CCDC88C: variants seen among roughly 807,000 people sequenced by gnomAD.
CCDC88C encodes the protein protein Daple.
In CCDC88C, 131 loss-of-function variants were observed where a neutral mutation model predicts 198.8. The ratio of observed to expected loss-of-function variants is 0.66; its 90% CI spans 0.57 to 0.76. CCDC88C has a LOEUF of 0.76. Ranked by LOEUF, CCDC88C falls within the 30% of genes least tolerant of loss-of-function variation. The probability of loss-of-function intolerance (pLI) is 0.00; values close to 1 mark genes in which losing one functional copy is unlikely to be tolerated. For synonymous variants in CCDC88C, 1,166 were observed against 1,114.7 expected (o/e 1.05, Z -0.92); for missense variants, 2,553 against 2,631.6 (o/e 0.97, Z 0.65).
chr14:91,376,030 C>T (rs971100913), intron 3 of CCDC88C, among the ~76,000 whole-genome samples: 10 of 152,284 alleles, frequency 6.6e-5, no homozygotes, highest in African/African-American at 1.9e-4. Flanking sequence ...GAGGCTTGAA[C>T]CCAGTCAGCC....
At chr14:91,316,585 T>C (rs1429396869) in intron 13 of CCDC88C, among the ~76,000 whole-genome samples, 1 of 151,990 alleles carries the variant, frequency 6.6e-6, no homozygotes, top group African/African-American at 2.4e-5. Flanking sequence ...ACCACGCCCA[T>C]CTAATTTTTG....
At chr14:91,405,935 C>G (rs1235509911) in intron 3 of CCDC88C, among the ~76,000 whole-genome samples, 3 of 152,208 alleles carry the variant, frequency 2.0e-5, no homozygotes, top group Non-Finnish European at 4.4e-5. Context: ...ACTGACTGAC[C>G]ATTTGCTCTG....
In CCDC88C at chr14:91,339,639, T is replaced by C. The variant is rs955593256; in HGVS notation, c.625-177A>G. ...TTTTGAAAAGAGGTGAAATATTTAG[T>C]GAAACAAAAGGGAGTGTACGAAGGA... On this transcript the variant is annotated intron_variant, in intron 7 of 29. Coordinates refer to ENST00000389857, the MANE Select transcript of CCDC88C (RefSeq NM_001080414.4). This position sits in a 1 kb window ranked among gnomAD's most constrained non-coding sequence, Gnocchi z 5.8. Among the ~76,000 whole-genome samples the C allele has an allele frequency of 1.3e-5, 2 of 151,978 alleles. No individual in the cohort carries two copies. The highest frequency in any genetic ancestry group is 4.8e-5 in the African/African-American group (2 of 41,364).
chr14:91,322,998 C>A (rs1281313754), intron 12 of CCDC88C, among the ~76,000 whole-genome samples: 2 of 150,368 alleles, frequency 1.3e-5, no homozygotes, highest in African/African-American at 4.9e-5. Context: ...CTCCACCTCT[C>A]AGGTTCAAGC....
At chr14:91,329,478 C>A (rs1053115285) in intron 10 of CCDC88C, among the ~76,000 whole-genome samples, 7 of 152,134 alleles carry the variant, frequency 4.6e-5, no homozygotes, top group African/African-American at 1.7e-4. Flanking sequence ...AGTGGCAGCC[C>A]CTCACCTCTC....
chr14:91,397,627 G>A (rs1244146399), intron 3 of CCDC88C, among the ~76,000 whole-genome samples: 1 of 152,210 alleles, frequency 6.6e-6, no homozygotes, highest in Non-Finnish European at 1.5e-5. Context: ...CTGGGGTGAG[G>A]GGTGAAGTCT....
Position 91,284,772 on chromosome 14 carries a change from C to T in CCDC88C, c.4442-1255G>A, listed in dbSNP as rs958727586. On this transcript the variant is annotated intron_variant, in intron 25 of 29. Transcript: ENST00000389857. This position sits in a 1 kb window ranked among gnomAD's most constrained non-coding sequence, Gnocchi z 4.1. ...GTGTTTTCCACTTACAGGACTGATACTAATCTTTCCTTTTAATACATTTAA... is the reference window on the plus strand; with the variant it reads ...GTGTTTTCCACTTACAGGACTGATATTAATCTTTCCTTTTAATACATTTAA... 1.3e-5 allele frequency among the ~76,000 whole-genome samples: 2 copies of T among 152,180 alleles called. No individual in the cohort carries two copies. The highest frequency in any genetic ancestry group is 2.9e-5 in the Non-Finnish European group (2 of 68,036).
intron 21 of CCDC88C, among the ~76,000 whole-genome samples, chr14:91,299,056 T>C (rs145684514): frequency 0.015 from 2,243 of 152,356 alleles, 35 homozygotes; most frequent in Middle Eastern, 0.024. Flanking sequence ...ACTGAATTAG[T>C]GAACAGCGAA....
intron 4 of CCDC88C, among the ~76,000 whole-genome samples, chr14:91,346,776 G>A (rs1428299365): frequency 1.3e-5 from 2 of 152,262 alleles, no homozygotes; most frequent in Non-Finnish European, 1.5e-5. Context: ...GCACGCGTCT[G>A]TAATCCCAGC....
At chr14:91,390,624 T>A (rs1372630544) in intron 3 of CCDC88C, among the ~76,000 whole-genome samples, 1 of 152,202 alleles carries the variant, frequency 6.6e-6, no homozygotes, top group Non-Finnish European at 1.5e-5. Context: ...GCCAGCCCAC[T>A]GCACCTTCCC....
intron 13 of CCDC88C, 56 bp from the exon 14 acceptor site, chr14:91,315,843 T>C (rs527277649): frequency 3.6e-5 from 57 of 1,573,086 alleles, no homozygotes; most frequent in Non-Finnish European, 4.9e-5. Context: ...AAGTGAACCA[T>C]GATTTAAAAC....
chr14:91,345,190 ATT>A (rs58941451), intron 4 of CCDC88C, among the ~76,000 whole-genome samples: 1,011 of 52,048 alleles, frequency 0.019, 6 homozygotes, highest in African/African-American at 0.026. Context: ...ATATATATAT[ATT>A]TTTTTTTTTT....
intron 3 of CCDC88C, among the ~76,000 whole-genome samples, chr14:91,369,583 T>C (rs1337858852): frequency 6.6e-6 from 1 of 152,190 alleles, no homozygotes; most frequent in Non-Finnish European, 1.5e-5. Context: ...ACATAGCCAC[T>C]GAGAGGAAAA....
At chr14:91,366,489 AT>A (rs1446656437) in intron 3 of CCDC88C, among the ~76,000 whole-genome samples, 4 of 149,782 alleles carry the variant, frequency 2.7e-5, no homozygotes, top group African/African-American at 7.7e-5. Flanking sequence ...GTCTAAAAAA[AT>A]ATAAAAATAA....
intron 3 of CCDC88C, among the ~76,000 whole-genome samples, chr14:91,407,010 G>A (rs1219491975): frequency 6.6e-6 from 1 of 152,122 alleles, no homozygotes; most frequent in Non-Finnish European, 1.5e-5. Flanking sequence ...AGCCCATAGT[G>A]CCCCTCTCCC....
chr14:91,362,873 G>A (rs1033936833), intron 3 of CCDC88C, among the ~76,000 whole-genome samples: 3 of 151,756 alleles, frequency 2.0e-5, no homozygotes, highest in African/African-American at 7.3e-5. Flanking sequence ...AGGTTACAGT[G>A]AGCCGAGATT....
chr14:91,328,612 C>T (rs750026207), intron 10 of CCDC88C, among the ~76,000 whole-genome samples: 1 of 152,166 alleles, frequency 6.6e-6, no homozygotes, highest in South Asian at 2.1e-4. Flanking sequence ...TCTGCCACTG[C>T]GACTTGGGGC....
At position 91,280,948 on chromosome 14, in the gene CCDC88C, G is replaced by T. The variant is rs117449267; in HGVS notation, c.4699+509C>A. ...TAGGATTATTTTCTCACCCTTGTAG[G>T]GTTGCTTTTCAAAAATTAAACCAAA... On this transcript the variant is annotated intron_variant, in intron 27 of 29. Transcript: ENST00000389857. 7.7e-3 allele frequency among the ~76,000 whole-genome samples: 1,170 copies of T among 152,178 alleles called. 13 individuals carry two copies. The highest frequency in any genetic ancestry group is 9.2e-3 in the Non-Finnish European group (627 of 68,012).
intron 24 of CCDC88C, among the ~76,000 whole-genome samples, chr14:91,289,970 G>T (rs1477404474): frequency 6.6e-6 from 1 of 152,284 alleles, no homozygotes; most frequent in South Asian, 2.1e-4. Flanking sequence ...TCAAACAGAA[G>T]ATTCAGACTG....
Sources: gnomAD v4.1 joint callset for allele counts (sites outside exome capture counted in the v4.1 genomes callset) on GRCh38, gnomAD v4.1.1 for gene constraint, Gnocchi (gnomAD v3.1) non-coding constraint, MANE v1.5 for transcripts, NCBI Gene and HGNC (gene_info 2026-07-23, HGNC 2026-07-21) for gene names.